FAM117B: variants seen among roughly 807,000 people sequenced by gnomAD.
FAM117B encodes family with sequence similarity 117 member B.
A neutral mutation model predicts 52.8 loss-of-function variants in FAM117B; 22 were observed. That is an observed-to-expected ratio of 0.42 (90% CI 0.30 to 0.59). The LOEUF (loss-of-function observed/expected upper bound fraction) is 0.59, where lower values mean the gene tolerates loss of function less well. Among genes scored for constraint, FAM117B ranks in the 20% least tolerant of loss-of-function variants. The pLI is 0.22. For missense variants in FAM117B, 678 were observed against 802.6 expected, an observed-to-expected ratio of 0.84 and a Z score of 1.88; for synonymous variants, 309 against 324.1, an observed-to-expected ratio of 0.95 and a Z score of 0.50.
chr2:202,665,353 C>T (rs1004208656), intron 1 of FAM117B, among the ~76,000 whole-genome samples: 5 of 151,770 alleles, frequency 3.3e-5, no homozygotes, highest in Non-Finnish European at 2.9e-5. Flanking sequence ...TCAAAGCCAG[C>T]AGTGGAATAT....
At chr2:202,675,877 C>T (rs1284143608) in intron 1 of FAM117B, among the ~76,000 whole-genome samples, 1 of 149,250 alleles carries the variant, frequency 6.7e-6, no homozygotes, top group East Asian at 2.0e-4. Flanking sequence ...CCCAGCTACT[C>T]GGGAGGCGGA....
intron 4 of FAM117B, among the ~76,000 whole-genome samples, chr2:202,741,099 A>G (rs776215267): frequency 1.1e-4 from 17 of 152,204 alleles, no homozygotes; most frequent in Non-Finnish European, 2.1e-4. Context: ...TAATACAGTT[A>G]GAAAAGAGAA....
chr2:202,645,402 G>C (rs933475069), intron 1 of FAM117B, among the ~76,000 whole-genome samples: 1 of 150,106 alleles, frequency 6.7e-6, no homozygotes, highest in Non-Finnish European at 1.5e-5. Flanking sequence ...CCATTCTCCT[G>C]CCTCAGCCTC....
intron 1 of FAM117B, among the ~76,000 whole-genome samples, chr2:202,660,982 C>G (rs1690119302): frequency 6.6e-6 from 1 of 152,160 alleles, no homozygotes. Context: ...CAGGGCCCTC[C>G]TACCTAGTCC....
chr2:202,682,907 A>G (rs1358248072), intron 1 of FAM117B, among the ~76,000 whole-genome samples: 1 of 152,240 alleles, frequency 6.6e-6, no homozygotes. Context: ...ATGTTTATAA[A>G]TGATTATAGT....
chr2:202,709,493 C>T (rs1003126304), intron 2 of FAM117B, among the ~76,000 whole-genome samples: 6 of 152,190 alleles, frequency 3.9e-5, no homozygotes, highest in African/African-American at 4.8e-5. Context: ...TGAGCCACCA[C>T]GCCTGGCCAG....
At chr2:202,743,170 C>T (rs1358048618) in intron 4 of FAM117B, among the ~76,000 whole-genome samples, 1 of 152,212 alleles carries the variant, frequency 6.6e-6, no homozygotes, top group Non-Finnish European at 1.5e-5. Flanking sequence ...CCCACTGCCA[C>T]CACTGCTGAT....
At chr2:202,645,684 A>C (rs1197057394) in intron 1 of FAM117B, among the ~76,000 whole-genome samples, 1 of 136,414 alleles carries the variant, frequency 7.3e-6, no homozygotes. Context: ...GCTCACTGCA[A>C]CCTCCGCCTC....
rs1262560488 is a variant in FAM117B, at chr2:202,640,293, AAAATATATATATATAT to A, written c.601+4507_601+4522del. On this transcript the variant is annotated intron_variant, in intron 1 of 7. Transcript: ENST00000392238. ...TCACAACAACCACCACCACCACCAC[AAAATATATATATATAT>A]ATATATATATATATATATATATATA... is the stretch of plus-strand genomic sequence containing the variant. 6.5e-4 allele frequency among the ~76,000 whole-genome samples: 40 copies of A among 61,684 alleles called. 1 individual carries two copies. Among genetic ancestry groups the A allele is most frequent in the East Asian group, 2.4e-3 (5 of 2,046 alleles). 40.5% of individuals were successfully genotyped at this position (61,684 alleles called of 152,430 possible).
At chr2:202,637,542 A>G (rs895798393) in intron 1 of FAM117B, among the ~76,000 whole-genome samples, 1 of 152,152 alleles carries the variant, frequency 6.6e-6, no homozygotes, top group African/African-American at 2.4e-5. Context: ...CCCAGCCCAG[A>G]GCACTATTTT....
intron 4 of FAM117B, among the ~76,000 whole-genome samples, chr2:202,752,668 TTTC>T (rs1194971496): frequency 6.6e-6 from 1 of 152,222 alleles, no homozygotes; most frequent in Non-Finnish European, 1.5e-5. Flanking sequence ...GTTAATCACA[TTTC>T]TTTGCTAGAC....
At chr2:202,757,578 A>C (rs1691822092) in intron 6 of FAM117B, 140 bp downstream of exon 6, 2 of 917,574 alleles carry the variant, frequency 2.2e-6, no homozygotes, top group African/African-American at 3.3e-5. Context: ...TTCAATTTGG[A>C]GTGTAAACAG....
intron 1 of FAM117B, among the ~76,000 whole-genome samples, chr2:202,645,748 C>T (rs558567233): frequency 2.0e-5 from 3 of 150,386 alleles, no homozygotes; most frequent in Non-Finnish European, 3.0e-5. Flanking sequence ...GGACTGTAGG[C>T]GCGCGCCACC....
chr2:202,656,159 CT>C (rs1690053736), intron 1 of FAM117B, among the ~76,000 whole-genome samples: 1 of 152,070 alleles, frequency 6.6e-6, no homozygotes, highest in Non-Finnish European at 1.5e-5. Flanking sequence ...TTTTATAGGT[CT>C]TGTCAAAGAA....
intron 1 of FAM117B, among the ~76,000 whole-genome samples, chr2:202,650,548 G>A (rs1689941007): frequency 6.6e-6 from 1 of 152,160 alleles, no homozygotes; most frequent in Non-Finnish European, 1.5e-5. Context: ...AAGGAGTATT[G>A]ACTCACGTGA....
At chr2:202,668,581 C>G (rs1042072005) in intron 1 of FAM117B, among the ~76,000 whole-genome samples, 2 of 147,472 alleles carry the variant, frequency 1.4e-5, no homozygotes, top group Admixed American at 1.4e-4. Context: ...GATTGTGTCA[C>G]TGTACTCTAG....
chr2:202,680,325 C>T (rs941066312), intron 1 of FAM117B, among the ~76,000 whole-genome samples: 2 of 151,994 alleles, frequency 1.3e-5, no homozygotes. Flanking sequence ...TGCTAAATGA[C>T]GAGTTAATGG....
chr2:202,644,070 T>TG (rs1313759331), intron 1 of FAM117B, among the ~76,000 whole-genome samples: 42 of 145,992 alleles, frequency 2.9e-4, no homozygotes, highest in African/African-American at 9.0e-4. Flanking sequence ...TTTTGTTTTT[T>TG]TTTTTTTTTT....
chr2:202,753,192 C>T (rs1364291575), intron 4 of FAM117B, among the ~76,000 whole-genome samples: 1 of 152,114 alleles, frequency 6.6e-6, no homozygotes, highest in Non-Finnish European at 1.5e-5. Flanking sequence ...CGGAGCAGGA[C>T]AGAGACCTTA....
Sources: allele counts gnomAD v4.1 joint callset (sites outside exome capture counted in the v4.1 genomes callset), GRCh38; gene constraint gnomAD v4.1.1; transcripts MANE v1.5; gene names NCBI Gene and HGNC (gene_info 2026-07-23, HGNC 2026-07-21).